Variants in SLC12A2 observed in about 807,000 individuals in gnomAD.
SLC12A2 encodes Na-K-2Cl cotransporter 1.
Under a neutral mutation model 136.3 loss-of-function variants are expected in SLC12A2, and 67 were observed. That is an observed-to-expected ratio of 0.49 (90% CI 0.40 to 0.60). SLC12A2 has a LOEUF of 0.60. SLC12A2 is among the 20% of genes least tolerant of loss of function. SLC12A2 has a pLI of 0.00. For missense variants in SLC12A2, 1,322 were observed against 1,534.7 expected (o/e 0.86, Z 2.32); for synonymous variants, 619 against 562.9 (o/e 1.10, Z -1.41).
intron 1 of SLC12A2, among the ~76,000 whole-genome samples, chr5:128,097,317 A>G (rs1222613005): frequency 6.6e-6 from 1 of 152,108 alleles, no homozygotes; most frequent in Non-Finnish European, 1.5e-5. Context: ...TACTTTCTCT[A>G]TCTAGCATTA....
intron 13 of SLC12A2, among the ~76,000 whole-genome samples, chr5:128,150,570 T>C (rs892278583): frequency 6.6e-6 from 1 of 151,836 alleles, no homozygotes; most frequent in Non-Finnish European, 1.5e-5. Context: ...GTATGAGAAC[T>C]TTGGACACAA....
At chr5:128,175,849 T>C (rs1361510022) in intron 20 of SLC12A2, among the ~76,000 whole-genome samples, 1 of 152,026 alleles carries the variant, frequency 6.6e-6, no homozygotes, top group Non-Finnish European at 1.5e-5. Context: ...TATCCGTAGT[T>C]ATAATTTTTA....
intron 4 of SLC12A2, among the ~76,000 whole-genome samples, chr5:128,127,178 G>C (rs1198019731): frequency 1.6e-5 from 2 of 125,786 alleles, no homozygotes; most frequent in Admixed American, 1.9e-4. Context: ...CTGGAGTGCA[G>C]TGGCACGATC....
At chr5:128,111,222 A>G (rs902015888) in intron 1 of SLC12A2, among the ~76,000 whole-genome samples, 2 of 152,214 alleles carry the variant, frequency 1.3e-5, no homozygotes, top group African/African-American at 4.8e-5. Flanking sequence ...CAATTATTGC[A>G]TCTGGCTTAT....
intron 17 of SLC12A2, among the ~76,000 whole-genome samples, chr5:128,165,705 C>T (rs1398257143): frequency 5.3e-5 from 8 of 152,078 alleles, no homozygotes; most frequent in African/African-American, 1.9e-4. Context: ...AAAGTTATTG[C>T]AGTAACAAAA....
At chr5:128,172,145 C>T (rs149751044) in intron 19 of SLC12A2, among the ~76,000 whole-genome samples, 1,626 of 151,982 alleles carry the variant, frequency 0.011, 32 homozygotes, top group African/African-American at 0.036. Flanking sequence ...TTGATAGAAG[C>T]CTAAAGTTTG....
At chr5:128,176,845 G>C (rs954267364) in intron 20 of SLC12A2, among the ~76,000 whole-genome samples, 2 of 151,976 alleles carry the variant, frequency 1.3e-5, no homozygotes, top group African/African-American at 4.8e-5. Flanking sequence ...TTAAAAATAT[G>C]CTGAAATTTA....
chr5:128,164,847 G>GTTTTTTT (rs35076550), intron 17 of SLC12A2, among the ~76,000 whole-genome samples: 1 of 123,562 alleles, frequency 8.1e-6, no homozygotes. Context: ...AAACTGTTTT[G>GTTTTTTT]TTTTTTTTTT....
chr5:128,127,165 A>G (rs1422469466), intron 4 of SLC12A2, among the ~76,000 whole-genome samples: 1 of 108,808 alleles, frequency 9.2e-6, no homozygotes, highest in Non-Finnish European at 1.7e-5. Context: ...TCTGTCACCC[A>G]GGCTGGAGTG....
intron 4 of SLC12A2, among the ~76,000 whole-genome samples, chr5:128,126,504 A>G (rs956724798): frequency 2.0e-5 from 3 of 152,206 alleles, no homozygotes; most frequent in Non-Finnish European, 4.4e-5. Context: ...TAGAGCTACC[A>G]TATGATCCAA....
At chr5:128,112,109 A>G (rs1761169824) in intron 1 of SLC12A2, among the ~76,000 whole-genome samples, 1 of 152,178 alleles carries the variant, frequency 6.6e-6, no homozygotes, top group Admixed American at 6.5e-5. Flanking sequence ...TTGGGATAGA[A>G]CAAAACTCAA....
chr5:128,183,502 AG>A (rs1242629291), intron 24 of SLC12A2, among the ~76,000 whole-genome samples: 2 of 151,936 alleles, frequency 1.3e-5, no homozygotes, highest in African/African-American at 2.4e-5. Flanking sequence ...GGTTGTAATC[AG>A]GGTGAGATTG....
intron 20 of SLC12A2, among the ~76,000 whole-genome samples, chr5:128,176,850 A>G (rs1763556906): frequency 6.6e-6 from 1 of 152,060 alleles, no homozygotes; most frequent in Non-Finnish European, 1.5e-5. Flanking sequence ...AATATGCTGA[A>G]ATTTAAAAAG....
chr5:128,162,103 G>A (rs1193217117), intron 17 of SLC12A2, among the ~76,000 whole-genome samples: 2 of 152,086 alleles, frequency 1.3e-5, no homozygotes, highest in African/African-American at 2.4e-5. Flanking sequence ...GAGGCTCAGA[G>A]TATTGTCTTC....
intron 4 of SLC12A2, among the ~76,000 whole-genome samples, chr5:128,115,526 C>G (rs1438122058): frequency 1.3e-5 from 2 of 152,098 alleles, no homozygotes; most frequent in Non-Finnish European, 2.9e-5. Flanking sequence ...TTTACCCTCC[C>G]TAGGAAGAGG....
intron 16 of SLC12A2, among the ~76,000 whole-genome samples, chr5:128,159,199 T>C (rs1406100476): frequency 1.3e-5 from 2 of 151,996 alleles, no homozygotes; most frequent in Non-Finnish European, 2.9e-5. Context: ...TTCACTGTTA[T>C]TTTTCTCACT....
chr5:128,093,052 T>G (rs1760396029), intron 1 of SLC12A2, among the ~76,000 whole-genome samples: 2 of 152,202 alleles, frequency 1.3e-5, no homozygotes, highest in Non-Finnish European at 2.9e-5. Flanking sequence ...ACTGCTGTAG[T>G]GTGGCTTCTA....
intron 19 of SLC12A2, among the ~76,000 whole-genome samples, chr5:128,172,706 A>T (rs1324268920): frequency 6.6e-6 from 1 of 152,200 alleles, no homozygotes; most frequent in Non-Finnish European, 1.5e-5. Flanking sequence ...CATGCCTGTA[A>T]TCCCAGCATG....
intron 10 of SLC12A2, among the ~76,000 whole-genome samples, chr5:128,143,695 T>A (rs113648774): frequency 0.015 from 2,267 of 151,194 alleles, 59 homozygotes; most frequent in African/African-American, 0.051. Flanking sequence ...CAAAATATTC[T>A]ATTGTAAATT....
Sources: allele counts gnomAD v4.1 joint callset (sites outside exome capture counted in the v4.1 genomes callset), GRCh38; gene constraint gnomAD v4.1.1; transcripts MANE v1.5; gene names NCBI Gene and HGNC (gene_info 2026-07-23, HGNC 2026-07-21).